Variants in ACOX3 observed in about 807,000 individuals in gnomAD.
ACOX3 encodes the protein acyl-CoA oxidase 3, pristanoyl.
A neutral mutation model predicts 81.5 loss-of-function variants in ACOX3; 73 were observed. The ratio of observed to expected loss-of-function variants is 0.90; its 90% confidence interval spans 0.74 to 1.09. The LOEUF (loss-of-function observed/expected upper bound fraction) is 1.09. Among genes scored for constraint, ACOX3 ranks in the 50% least tolerant of loss-of-function variants. ACOX3 has a pLI of 0.00. For synonymous variants in ACOX3, 387 were observed against 375.1 expected (o/e 1.03, Z -0.37); for missense variants, 947 against 928.0 (o/e 1.02, Z -0.27).
chr4:8,413,084 C>G (rs1197546238), intron 5 of ACOX3, among the ~76,000 whole-genome samples: 1 of 137,060 alleles, frequency 7.3e-6, no homozygotes, highest in East Asian at 2.3e-4. Flanking sequence ...CTCCTCAGCA[C>G]TGACAGCCCC....
Position 8,430,681 on chromosome 4 carries a change from C to A in ACOX3, c.-15+9967G>T, listed in dbSNP as rs1463636296. 6.6e-6 allele frequency among the ~76,000 whole-genome samples: 1 copy of A among 152,094 alleles called. No homozygotes were observed. Among genetic ancestry groups the A allele is most frequent in the Non-Finnish European group, 1.5e-5 (1 of 68,026 alleles). ...GACCAGCCTGGCCAACATGGTGAAA[C>A]CCCATCTCTACTAAAAATACAAAAA... On this transcript the variant is annotated intron_variant, in intron 1 of 17. Coordinates refer to ENST00000356406, the MANE Select transcript of ACOX3 (RefSeq NM_003501.3). This position sits in a 1 kb window ranked among gnomAD's most constrained non-coding sequence, Gnocchi z 5.2.
In ACOX3 at chr4:8,374,986, A is replaced by G; in HGVS notation, c.1820T>C (p.Leu607Pro). ...LWSLSRHAAL[L>P]YRGGYFSGEQ... is the part of the protein sequence containing the mutation. Reference sequence around the variant, plus strand: ...GCAGTCAGAAGCCTCACCTCGGTAGAGCAGGGCCGCGTGGCGGCTCAGGGA... The same window carrying G: ...GCAGTCAGAAGCCTCACCTCGGTAGGGCAGGGCCGCGTGGCGGCTCAGGGA... Residue 607 changes from leucine (L) to proline (P), a missense_variant, in exon 15 of 18, where the codon CTC (leucine) becomes CCC (proline). Physicochemically the swap from Leu to Pro is moderately conservative, Grantham distance 98 (BLOSUM62 -3). Coordinates refer to ENST00000356406, the MANE Select transcript of ACOX3 (RefSeq NM_003501.3). The G allele has an allele frequency of 6.6e-7, 1 of 1,526,566 alleles. No individual in the cohort carries two copies. Among genetic ancestry groups the G allele is most frequent in the Non-Finnish European group, 8.9e-7 (1 of 1,129,450 alleles). The allele number at this position is 1,526,566 out of a possible 1,614,324, so 94.6% of individuals were successfully genotyped here.
rs1722376138 is a variant in ACOX3, at chr4:8,416,591, C to T, written c.-14-56G>A. The T allele has an allele frequency of 1.3e-6, 2 of 1,491,842 alleles. No individual in the cohort carries two copies. The highest frequency in any genetic ancestry group is 1.8e-6 in the Non-Finnish European group (2 of 1,122,152). 92.4% of individuals were successfully genotyped at this position (1,491,842 alleles called of 1,614,324 possible). On this transcript the variant is annotated intron_variant, in intron 1 of 17. Coordinates refer to ENST00000356406, the MANE Select transcript of ACOX3 (RefSeq NM_003501.3). This position sits in a 1 kb window ranked among gnomAD's most constrained non-coding sequence, Gnocchi z 4.2. ...TCTCCCATCTATGGGTTCAAACTAC[C>T]CCCACCAACAGGAGAGCCCGCAACA...
rs961757629 is a variant in ACOX3, at chr4:8,407,057, G to C, written c.688-1014C>G. ...GCTAGACCACGGTCTGCTTGGCAAC[G>C]GGCGTCTTCCCAGATGCTGGCATCA... On this transcript the variant is annotated intron_variant, in intron 6 of 17. Coordinates refer to ENST00000356406, the MANE Select transcript of ACOX3 (RefSeq NM_003501.3). The surrounding 1 kb of genome is among the most constrained non-coding windows in gnomAD (Gnocchi z 4.6). Among the ~76,000 whole-genome samples the C allele has an allele frequency of 6.6e-6, 1 of 152,118 alleles. No individual in the cohort carries two copies. The highest frequency in any genetic ancestry group is 1.5e-5 in the Non-Finnish European group (1 of 68,016).
intron 5 of ACOX3, among the ~76,000 whole-genome samples, chr4:8,411,812 G>C (rs1262859489): frequency 6.6e-6 from 1 of 152,216 alleles, no homozygotes; most frequent in Non-Finnish European, 1.5e-5. Flanking sequence ...GCAGAGACCT[G>C]TCTGCTGTGC....
chr4:8,396,513 C>G (rs367818726), intron 9 of ACOX3, among the ~76,000 whole-genome samples: 13 of 152,134 alleles, frequency 8.5e-5, no homozygotes, highest in African/African-American at 2.9e-4. Context: ...CCTGTCTCTA[C>G]TAACAATACA....
rs1443959761 is a variant in ACOX3, at chr4:8,375,224, C to T, written c.1654-72G>A. 34 of 1,429,806 alleles carry T rather than the reference C, an allele frequency of 2.4e-5. No individual in the cohort carries two copies. In the East Asian group the frequency reaches 7.8e-4, roughly 33 times the overall value. The allele number at this position is 1,429,806 out of a possible 1,614,324, so 88.6% of individuals were successfully genotyped here. On this transcript the variant is annotated intron_variant, in intron 14 of 17. Coordinates refer to ENST00000356406, the MANE Select transcript of ACOX3 (RefSeq NM_003501.3). The stretch of plus-strand genomic sequence containing the variant: ...GCCCAGATTCCCGGGGGAGGAAGTT[C>T]TCAGGAAACACGAACGCGGGTCTGC...
chr4:8,432,579 T>C lies in ACOX3; in HGVS notation c.-15+8069A>G, dbSNP rs962163794. Among the ~76,000 whole-genome samples, 1 of 151,976 alleles carries C rather than the reference T, an allele frequency of 6.6e-6. No homozygotes were observed. The highest frequency in any genetic ancestry group is 2.4e-5 in the African/African-American group (1 of 41,342). On this transcript the variant is annotated intron_variant, in intron 1 of 17. Transcript: ENST00000356406. The surrounding 1 kb of genome is among the most constrained non-coding windows in gnomAD (Gnocchi z 6.2). ...AACCCAACATATTGAATTTAACGGG[T>C]TTCTATGCTGTTAAGGTCTTGGCAT...
chr4:8,370,879 A>G lies in ACOX3; in HGVS notation c.1983+29T>C. Reference sequence around the variant, plus strand: ...AGAAATGCCCATCAACCCTTGGGGCACTCCCGTGAGGCCCTGTCCTCCCTT... The same window carrying G: ...AGAAATGCCCATCAACCCTTGGGGCGCTCCCGTGAGGCCCTGTCCTCCCTT... On this transcript the variant is annotated intron_variant, in intron 17 of 17. Transcript: ENST00000356406. The surrounding 1 kb of genome is among the most constrained non-coding windows in gnomAD (Gnocchi z 6.3). 6.2e-7 allele frequency: 1 copy of G among 1,602,440 alleles called. No individual in the cohort carries two copies.
the ACOX3 span, chr4:8,357,721 G>C: frequency 4.3e-5 from 10 of 232,694 alleles, no homozygotes; most frequent in East Asian, 1.0e-3. Flanking sequence ...ACAGCTTTAG[G>C]AGCAGGGACC....
chr4:8,374,900 G>A, intron 15 of ACOX3, 78 bp downstream of exon 15: 2 of 1,398,688 alleles, frequency 1.4e-6, no homozygotes, highest in Non-Finnish European at 9.5e-7. Context: ...GGACGATGGT[G>A]CAGGAAGCAG....
intron 1 of ACOX3, among the ~76,000 whole-genome samples, chr4:8,434,263 T>A (rs1724102549): frequency 6.6e-6 from 1 of 152,236 alleles, no homozygotes; most frequent in Non-Finnish European, 1.5e-5. Flanking sequence ...GGCCAAGAAT[T>A]TCTTTTTCGG....
At position 8,375,116 on chromosome 4, in the gene ACOX3, C is replaced by T. The variant is rs1355853791; in HGVS notation, c.1690G>A (p.Glu564Lys). 6.4e-7 allele frequency: 1 copy of T among 1,552,882 alleles called. No homozygotes were observed. Among genetic ancestry groups the T allele is most frequent in the Admixed American group, 2.0e-5 (1 of 51,076 alleles). The change falls in exon 15 of 18, where the codon GAG becomes AAG. Residue 564 changes from glutamate to lysine, a missense_variant. Coordinates refer to ENST00000356406, the MANE Select transcript of ACOX3 (RefSeq NM_003501.3). ...HGRPLALAFV[E>K]LTVVQRFHEH... ...TGGAACCTCTGGACCACCGTGAGCTCCACGAAGGCCAGCGCCAACGGACGG... is the reference window on the plus strand; with the variant it reads ...TGGAACCTCTGGACCACCGTGAGCTTCACGAAGGCCAGCGCCAACGGACGG...
At chr4:8,364,129 T>C (rs1240849345), downstream of ACOX3, among the ~76,000 whole-genome samples, 1 of 152,182 alleles carries the variant, frequency 6.6e-6, no homozygotes, top group Non-Finnish European at 1.5e-5. This position sits in a 1 kb window ranked among gnomAD's most constrained non-coding sequence, Gnocchi z 5.0. Context: ...AACACACCTA[T>C]ACCTAGAAGC....
rs539063538 is a variant in ACOX3, at chr4:8,422,182, AAG to A, written c.-14-5649_-14-5648del. 2.8e-3 allele frequency among the ~76,000 whole-genome samples: 430 copies of A among 152,230 alleles called. 1 individual carries two copies. The highest frequency in any genetic ancestry group is 9.6e-3 in the African/African-American group (400 of 41,550). Reference sequence around the variant, plus strand: ...AAGAGAGAGAGAAGAGAGAGAAAGAAAGAGAGAGGGGGGAAGAAAGGCAGAAA... The same window carrying A: ...AAGAGAGAGAGAAGAGAGAGAAAGAAAGAGAGGGGGGAAGAAAGGCAGAAA... On this transcript the variant is annotated intron_variant, in intron 1 of 17. Transcript: ENST00000356406.
chr4:8,404,148 T>C (rs1038573959), intron 7 of ACOX3, among the ~76,000 whole-genome samples: 1 of 152,198 alleles, frequency 6.6e-6, no homozygotes, highest in African/African-American at 2.4e-5. Context: ...CCGCATTACA[T>C]CCTCCAGATG....
At chr4:8,425,261 C>T (rs1646071460) in intron 1 of ACOX3, among the ~76,000 whole-genome samples, 1 of 152,042 alleles carries the variant, frequency 6.6e-6, no homozygotes, top group Admixed American at 6.5e-5. Flanking sequence ...AGGTGGGACC[C>T]TCCATTAGAA....
rs752429693 is a variant in ACOX3, at chr4:8,381,471, A to G, written c.1653+21T>C. The G allele has an allele frequency of 1.9e-5, 30 of 1,599,876 alleles. No homozygotes were observed. Among genetic ancestry groups the G allele is most frequent in the Middle Eastern group, 3.3e-4 (2 of 6,034 alleles). On this transcript the variant is annotated intron_variant, in intron 14 of 17. Transcript: ENST00000356406. This position sits in a 1 kb window ranked among gnomAD's most constrained non-coding sequence, Gnocchi z 4.3. ...TTAAGAGCAAATAATACAAAAGGGA[A>G]TTTTGAAAACAAATACTTACCTGGC...
chr4:8,440,318 C>T (rs1214126548), intron 1 of ACOX3, among the ~76,000 whole-genome samples: 1 of 152,210 alleles, frequency 6.6e-6, no homozygotes, highest in Non-Finnish European at 1.5e-5. Context: ...TGTGGCTTGT[C>T]CTGCTACAGT....
Sources: gnomAD v4.1 joint callset for allele counts (sites outside exome capture counted in the v4.1 genomes callset) on GRCh38, gnomAD v4.1.1 for gene constraint, Gnocchi (gnomAD v3.1) non-coding constraint, MANE v1.5 for transcripts, NCBI Gene and HGNC (gene_info 2026-07-23, HGNC 2026-07-21) for gene names.